Variants in PSTPIP2 observed in about 807,000 individuals in gnomAD.
PSTPIP2 encodes proline-serine-threonine phosphatase interacting protein 2, also known as proline-serine-threonine phosphatase-interacting protein 2.
Under a neutral mutation model 63.3 loss-of-function variants are expected in PSTPIP2, and 33 were observed. The ratio of observed to expected loss-of-function variants is 0.52; its 90% CI spans 0.40 to 0.70. PSTPIP2 has a LOEUF of 0.70. Ranked by LOEUF, PSTPIP2 falls within the 30% of genes least tolerant of loss-of-function variation. PSTPIP2 has a pLI of 0.00. For synonymous variants in PSTPIP2, 125 were observed against 132.7 expected (o/e 0.94, Z 0.40); for missense variants, 312 against 400.7 (o/e 0.78, Z 1.89).
rs184909946 is a variant in PSTPIP2, at chr18:46,040,512, C to A, written c.34-465G>T. On this transcript the variant is annotated intron_variant, in intron 1 of 14. Transcript: ENST00000409746. ...TAAGGAAGTTCCACAAATTCCTAAG[C>A]CCCTAACTCACTTTGGAAACCCCCT... Among the ~76,000 whole-genome samples, 7 of 152,190 alleles carry A rather than the reference C, an allele frequency of 4.6e-5. No homozygotes were observed. The East Asian group carries it at 1.3e-3, about 29-fold the overall frequency.
At chr18:46,037,679 A>G (rs1391689696) in intron 2 of PSTPIP2, among the ~76,000 whole-genome samples, 1 of 152,170 alleles carries the variant, frequency 6.6e-6, no homozygotes, top group Non-Finnish European at 1.5e-5. Flanking sequence ...GCTCAATGAC[A>G]GCAGCTTCCT....
chr18:46,006,714 C>T (rs2051732721), intron 5 of PSTPIP2, among the ~76,000 whole-genome samples: 1 of 152,092 alleles, frequency 6.6e-6, no homozygotes, highest in East Asian at 1.9e-4. Context: ...GAGGTAAATG[C>T]CTCGCTTGGG....
At chr18:46,041,111 C>G in intron 1 of PSTPIP2, 1 of 453,892 alleles carries the variant, frequency 2.2e-6, no homozygotes, top group African/African-American at 2.0e-5. Flanking sequence ...AAAAGACAAG[C>G]AGCTCTGAGC....
At chr18:46,038,814 G>A (rs758401725) in intron 2 of PSTPIP2, among the ~76,000 whole-genome samples, 2 of 152,172 alleles carry the variant, frequency 1.3e-5, no homozygotes, top group African/African-American at 2.4e-5. Flanking sequence ...ACCACCCAAG[G>A]GCTGGGCAAC....
intron 2 of PSTPIP2, among the ~76,000 whole-genome samples, chr18:46,034,749 C>A (rs1907904762): frequency 6.6e-6 from 1 of 152,080 alleles, no homozygotes; most frequent in Non-Finnish European, 1.5e-5. Flanking sequence ...TAGGCAAGTT[C>A]CATAGCCTCT....
chr18:46,056,151 G>A (rs892309399), intron 1 of PSTPIP2, among the ~76,000 whole-genome samples: 1 of 152,180 alleles, frequency 6.6e-6, no homozygotes, highest in Non-Finnish European at 1.5e-5. Context: ...TGCTGGCTTC[G>A]CTTCTTATGT....
chr18:45,989,345 G>A (rs574877196), intron 13 of PSTPIP2, among the ~76,000 whole-genome samples: 5 of 152,238 alleles, frequency 3.3e-5, no homozygotes, highest in East Asian at 1.9e-4. Flanking sequence ...TAAGTCTCAC[G>A]AGATCTGATG....
chr18:46,022,893 A>G (rs569112833), intron 3 of PSTPIP2, among the ~76,000 whole-genome samples: 1 of 152,356 alleles, frequency 6.6e-6, no homozygotes, highest in African/African-American at 2.4e-5. Context: ...AGACTGAATA[A>G]AGAAAATGTG....
At chr18:46,029,335 G>C in intron 2 of PSTPIP2, 1 of 1,558,126 alleles carries the variant, frequency 6.4e-7, no homozygotes, top group Non-Finnish European at 8.9e-7. Context: ...GAACTGATTG[G>C]AAGCATGAAA....
intron 1 of PSTPIP2, among the ~76,000 whole-genome samples, chr18:46,057,625 T>A (rs1908810833): frequency 6.6e-6 from 1 of 152,130 alleles, no homozygotes; most frequent in South Asian, 2.1e-4. Context: ...CCACTGTGCC[T>A]GCCCAAAACT....
chr18:45,992,466 G>A (rs974116700), intron 10 of PSTPIP2, among the ~76,000 whole-genome samples: 1 of 151,614 alleles, frequency 6.6e-6, no homozygotes, highest in African/African-American at 2.4e-5. Context: ...GGAAGCTGAG[G>A]CAGGAGAATC....
intron 2 of PSTPIP2, among the ~76,000 whole-genome samples, chr18:46,027,852 G>A (rs565982954): frequency 6.6e-5 from 10 of 152,122 alleles, no homozygotes; most frequent in Non-Finnish European, 1.2e-4. Context: ...GAGGTTAAAA[G>A]AAAAAGTTTA....
chr18:46,067,295 G>A (rs925955915), intron 1 of PSTPIP2, among the ~76,000 whole-genome samples: 2 of 151,824 alleles, frequency 1.3e-5, no homozygotes, highest in African/African-American at 2.4e-5. Context: ...GAGATCAGGA[G>A]ATCGAGACCA....
Position 45,992,096 on chromosome 18 carries a change from C to T in PSTPIP2, c.838+10G>A, listed in dbSNP as rs780258142. On this transcript the variant is annotated intron_variant, in intron 11 of 14. Coordinates refer to ENST00000409746, the MANE Select transcript of PSTPIP2 (RefSeq NM_024430.4). ...GTAAATAACACTCCCCACCCCACTG[C>T]CCCATTCACCTGGTGGAATCTGTCC... 6.2e-7 allele frequency: 1 copy of T among 1,603,602 alleles called. No homozygotes were observed. Among genetic ancestry groups the T allele is most frequent in the Non-Finnish European group, 8.5e-7 (1 of 1,173,414 alleles).
intron 1 of PSTPIP2, among the ~76,000 whole-genome samples, chr18:46,042,937 G>T (rs73438275): frequency 2.7e-4 from 41 of 152,050 alleles, no homozygotes; most frequent in African/African-American, 9.4e-4. Context: ...TCCTTTCTTG[G>T]TTGCCTCTGT....
At chr18:45,993,016 G>T (rs535945849) in intron 10 of PSTPIP2, among the ~76,000 whole-genome samples, 1 of 152,272 alleles carries the variant, frequency 6.6e-6, no homozygotes, top group East Asian at 1.9e-4. Context: ...GTAAGCCACC[G>T]TGCCCAGCCT....
chr18:46,060,988 C>A lies in PSTPIP2; in HGVS notation c.33+11168G>T, dbSNP rs1908970095. Among the ~76,000 whole-genome samples, 5 of 152,004 alleles carry A rather than the reference C, an allele frequency of 3.3e-5. No individual in the cohort carries two copies. The South Asian group carries it at 1.0e-3, about 32-fold the overall frequency. On this transcript the variant is annotated intron_variant, in intron 1 of 14. Coordinates refer to ENST00000409746, the MANE Select transcript of PSTPIP2 (RefSeq NM_024430.4). ...GGTTGGCAGATAAGAGGGAATGCAC[C>A]AATAGATGCACATTAATAAAAAATC...
chr18:45,990,975 G>A (rs1004432296), intron 12 of PSTPIP2, among the ~76,000 whole-genome samples: 2 of 152,076 alleles, frequency 1.3e-5, no homozygotes, highest in Non-Finnish European at 2.9e-5. Flanking sequence ...TAGTGATTAG[G>A]AGCACAGAGC....
In PSTPIP2 at chr18:45,993,664, GGAA is replaced by G; in HGVS notation, c.679_681del (p.Phe227del). On this transcript the variant is annotated inframe_deletion, in exon 10 of 15. Transcript: ENST00000409746. ...TTCACATGTAACCACAATGCATTCC[GGAA>G]GAAGTTTATTCGTTCACATTCTTGA... The G allele has an allele frequency of 6.2e-7, 1 of 1,614,092 alleles. No individual in the cohort carries two copies. The highest frequency in any genetic ancestry group is 8.5e-7 in the Non-Finnish European group (1 of 1,180,008).
Sources: allele counts gnomAD v4.1 joint callset (sites outside exome capture counted in the v4.1 genomes callset), GRCh38; gene constraint gnomAD v4.1.1; transcripts MANE v1.5; gene names NCBI Gene and HGNC (gene_info 2026-07-23, HGNC 2026-07-21).